Variants in HS6ST3 observed in about 807,000 individuals in gnomAD.
The protein encoded by HS6ST3 is heparan sulfate 6-O-sulfotransferase 3.
HS6ST3 carries 12 observed loss-of-function variants against 36.7 expected under a neutral mutation model. That is an observed-to-expected ratio of 0.33 (90% CI 0.21 to 0.53). HS6ST3 has a LOEUF of 0.53. Ranked by LOEUF, HS6ST3 falls within the 20% of genes least tolerant of loss-of-function variation. HS6ST3 has a pLI of 0.95. For missense variants in HS6ST3, 584 were observed against 640.9 expected (o/e 0.91, Z 0.96); for synonymous variants, 240 against 257.5 (o/e 0.93, Z 0.65).
intron 1 of HS6ST3, among the ~76,000 whole-genome samples, chr13:96,760,466 T>C (rs767525780): frequency 2.0e-5 from 3 of 150,890 alleles, no homozygotes; most frequent in Non-Finnish European, 3.0e-5. Context: ...TCCAACCTTA[T>C]AACATTTACG....
At chr13:96,664,059 T>A (rs749264653) in intron 1 of HS6ST3, among the ~76,000 whole-genome samples, 1 of 152,134 alleles carries the variant, frequency 6.6e-6, no homozygotes, top group Non-Finnish European at 1.5e-5. Flanking sequence ...GTGGGGATGG[T>A]TGCCAACTCT....
intron 1 of HS6ST3, among the ~76,000 whole-genome samples, chr13:96,535,545 G>A (rs1257416821): frequency 4.6e-5 from 6 of 129,900 alleles, no homozygotes; most frequent in East Asian, 4.4e-4. Flanking sequence ...GCGACAGAGC[G>A]AGACTCTGTT....
chr13:96,523,840 C>T (rs1318487645), intron 1 of HS6ST3, among the ~76,000 whole-genome samples: 1 of 152,132 alleles, frequency 6.6e-6, no homozygotes, highest in Non-Finnish European at 1.5e-5. Context: ...TATTATCAAC[C>T]TTCTGAAGCC....
At chr13:96,204,974 A>T (rs2054362254) in intron 1 of HS6ST3, among the ~76,000 whole-genome samples, 1 of 152,190 alleles carries the variant, frequency 6.6e-6, no homozygotes, top group African/African-American at 2.4e-5. Flanking sequence ...AAAAGACAAG[A>T]TATAACCAAA....
intron 1 of HS6ST3, among the ~76,000 whole-genome samples, chr13:96,702,077 C>G (rs1875302835): frequency 6.6e-6 from 1 of 152,064 alleles, no homozygotes; most frequent in Non-Finnish European, 1.5e-5. Context: ...GGAAGATGGG[C>G]TGAGAGATGA....
At chr13:96,243,778 C>T (rs1246671003) in intron 1 of HS6ST3, among the ~76,000 whole-genome samples, 1 of 151,956 alleles carries the variant, frequency 6.6e-6, no homozygotes, top group Admixed American at 6.6e-5. Context: ...GGGTGCTTCT[C>T]AATTGGTTAA....
chr13:96,531,283 T>G (rs927074667), intron 1 of HS6ST3, among the ~76,000 whole-genome samples: 1 of 152,206 alleles, frequency 6.6e-6, no homozygotes, highest in Admixed American at 6.5e-5. Context: ...GGTGACAAAT[T>G]AATATTTGTA....
At position 96,364,359 on chromosome 13, in the gene HS6ST3, A is replaced by G. The variant is rs145993620; in HGVS notation, c.707+272790A>G. 6.6e-4 allele frequency among the ~76,000 whole-genome samples: 100 copies of G among 152,350 alleles called. 1 individual carries two copies. The highest frequency in any genetic ancestry group is 3.4e-3 in the Middle Eastern group (1 of 294). ...GGTGAAAACACTCTAAATGTCCACA[A>G]CGCATGAATGGATAGAGAAAGTATG... On this transcript the variant is annotated intron_variant, in intron 1 of 1. Transcript: ENST00000376705.
At chr13:96,324,818 C>T (rs1332245860) in intron 1 of HS6ST3, among the ~76,000 whole-genome samples, 1 of 152,144 alleles carries the variant, frequency 6.6e-6, no homozygotes, top group Non-Finnish European at 1.5e-5. Flanking sequence ...ATTGTCTCTC[C>T]CAGTTCCCAG....
intron 1 of HS6ST3, among the ~76,000 whole-genome samples, chr13:96,636,422 A>G (rs896293765): frequency 6.6e-6 from 1 of 152,148 alleles, no homozygotes; most frequent in Non-Finnish European, 1.5e-5. Context: ...TTGCCCACAC[A>G]GGGCTGAGAG....
At chr13:96,453,331 C>A (rs2055739082) in intron 1 of HS6ST3, among the ~76,000 whole-genome samples, 1 of 151,960 alleles carries the variant, frequency 6.6e-6, no homozygotes, top group African/African-American at 2.4e-5. Flanking sequence ...TATCCCTCAC[C>A]CCTCTCCAAC....
chr13:96,290,763 C>T (rs75972749), intron 1 of HS6ST3, among the ~76,000 whole-genome samples: 5,544 of 152,234 alleles, frequency 0.036, 366 homozygotes, highest in African/African-American at 0.13. Flanking sequence ...CCTCTTTTAG[C>T]GAAAAAGCTA....
rs890223884 is a variant in HS6ST3, at chr13:96,678,680, TA to T, written c.708-153800del. The stretch of plus-strand genomic sequence containing the variant: ...CAGAGTGACAGAGTGAGACTCTATC[TA>T]AAAAAAAAACAAAACTAAACTAAAA... On this transcript the variant is annotated intron_variant, in intron 1 of 1. Transcript: ENST00000376705. 6.2e-5 allele frequency among the ~76,000 whole-genome samples: 9 copies of T among 145,226 alleles called. No homozygotes were observed. In the South Asian group the frequency reaches 6.6e-4, roughly 11 times the overall value.
chr13:96,646,183 G>C (rs568841517), intron 1 of HS6ST3, among the ~76,000 whole-genome samples: 1 of 151,974 alleles, frequency 6.6e-6, no homozygotes, highest in Non-Finnish European at 1.5e-5. Flanking sequence ...TGGCGTTTGC[G>C]GTGACAAGAG....
chr13:96,635,260 T>TG (rs1429443912), intron 1 of HS6ST3, among the ~76,000 whole-genome samples: 4 of 151,314 alleles, frequency 2.6e-5, no homozygotes, highest in Non-Finnish European at 4.4e-5. Context: ...AGATGTAAGT[T>TG]TTTTTTTTCC....
At chr13:96,314,447 A>G (rs570124871) in intron 1 of HS6ST3, among the ~76,000 whole-genome samples, 1 of 152,330 alleles carries the variant, frequency 6.6e-6, no homozygotes, top group South Asian at 2.1e-4. Context: ...TTACTCATCT[A>G]TCCCATCATC....
chr13:96,832,354 C>T, intron 1 of HS6ST3, 136 bp from the exon 2 acceptor site: 1 of 634,774 alleles, frequency 1.6e-6, no homozygotes, highest in Non-Finnish European at 2.6e-6. Context: ...TCAATAGACA[C>T]AAATGCAGGC....
chr13:96,493,783 A>G (rs2055958607), intron 1 of HS6ST3, among the ~76,000 whole-genome samples: 1 of 152,204 alleles, frequency 6.6e-6, no homozygotes, highest in Non-Finnish European at 1.5e-5. Flanking sequence ...CATGCTGGAG[A>G]TCAGAGTAGT....
At chr13:96,774,902 G>A (rs1267829520) in intron 1 of HS6ST3, among the ~76,000 whole-genome samples, 1 of 152,116 alleles carries the variant, frequency 6.6e-6, no homozygotes, top group East Asian at 1.9e-4. Flanking sequence ...AGGTTGAAAT[G>A]CAGGAAAAAA....
Sources: gnomAD v4.1 joint callset for allele counts (sites outside exome capture counted in the v4.1 genomes callset) on GRCh38, gnomAD v4.1.1 for gene constraint, MANE v1.5 for transcripts, NCBI Gene and HGNC (gene_info 2026-07-23, HGNC 2026-07-21) for gene names.